SIGLECL1: variants seen among roughly 807,000 people sequenced by gnomAD.
The protein encoded by SIGLECL1 is SIGLEC family-like protein 1.
SIGLECL1 carries 16 observed loss-of-function variants against 19.1 expected under a neutral mutation model. The ratio of observed to expected loss-of-function variants is 0.84; its 90% CI spans 0.57 to 1.27. The LOEUF is 1.27. SIGLECL1 is among the 50% of genes most tolerant of loss of function. The probability of loss-of-function intolerance (pLI) is 0.00; values close to 1 mark genes in which losing one functional copy is unlikely to be tolerated. For missense variants in SIGLECL1, 210 were observed against 239.4 expected, an observed-to-expected ratio of 0.88 and a Z score of 0.81; for synonymous variants, 89 against 90.4, an observed-to-expected ratio of 0.98 and a Z score of 0.09.
chr19:51,263,121 T>C (rs552845441), intron 1 of SIGLECL1, among the ~76,000 whole-genome samples: 35 of 152,320 alleles, frequency 2.3e-4, no homozygotes, highest in African/African-American at 8.2e-4. Flanking sequence ...CTGGAATTAC[T>C]ATGGATTTTT....
intron 1 of SIGLECL1, among the ~76,000 whole-genome samples, chr19:51,251,825 CA>C (rs1982504086): frequency 6.6e-6 from 1 of 152,198 alleles, no homozygotes; most frequent in Non-Finnish European, 1.5e-5. Flanking sequence ...ATAGGTCAGT[CA>C]TTAGTAAGTC....
intron 1 of SIGLECL1, among the ~76,000 whole-genome samples, chr19:51,254,873 A>G (rs16982584): frequency 0.072 from 10,899 of 152,240 alleles, 1,270 homozygotes; most frequent in African/African-American, 0.25. Flanking sequence ...TGGCTAAATA[A>G]AAACCTGAAA....
intron 3 of SIGLECL1, 63 bp from the exon 4 acceptor site, chr19:51,265,714 G>A (rs962532393): frequency 1.2e-6 from 2 of 1,612,958 alleles, no homozygotes; most frequent in African/African-American, 2.7e-5. Flanking sequence ...AGTCACTGGG[G>A]CTAGAGAATG....
At chr19:51,255,857 A>G (rs1296874710) in intron 1 of SIGLECL1, 1 of 152,206 alleles carries the variant, frequency 6.6e-6, no homozygotes, top group Non-Finnish European at 1.5e-5. Context: ...TGGTATAACC[A>G]CTATGGAAAA....
At chr19:51,261,845 A>G (rs760090112) in intron 1 of SIGLECL1, among the ~76,000 whole-genome samples, 1 of 152,136 alleles carries the variant, frequency 6.6e-6, no homozygotes, top group Non-Finnish European at 1.5e-5. Context: ...TTATTTTCAA[A>G]CAAGCTTTTA....
chr19:51,266,012 T>A, intron 4 of SIGLECL1, 130 bp downstream of exon 4: 2 of 844,406 alleles, frequency 2.4e-6, no homozygotes, highest in Non-Finnish European at 3.8e-6. Flanking sequence ...GGGAAAGATG[T>A]ACCAAACATG....
chr19:51,253,778 T>A (rs1982632524), intron 1 of SIGLECL1, among the ~76,000 whole-genome samples: 1 of 152,232 alleles, frequency 6.6e-6, no homozygotes, highest in African/African-American at 2.4e-5. Context: ...ACCACAGTTG[T>A]AGTCAAAGGT....
upstream of SIGLECL1, among the ~76,000 whole-genome samples, chr19:51,247,576 G>A (rs556909100): frequency 5.9e-5 from 9 of 152,154 alleles, no homozygotes; most frequent in East Asian, 3.9e-4. Context: ...CTGCCACCAC[G>A]TCCAGCTAAT....
chr19:51,250,197 C>G (rs112420060), upstream of SIGLECL1, among the ~76,000 whole-genome samples: 255 of 152,176 alleles, frequency 1.7e-3, no homozygotes, highest in African/African-American at 5.8e-3. Flanking sequence ...AGCGATTCTC[C>G]TGCCTCAACC....
At position 51,251,137 on chromosome 19, in the gene SIGLECL1, C is replaced by G. The variant is rs2123370243; in HGVS notation, c.-599C>G. 6.6e-6 allele frequency: 1 copy of G among 152,400 alleles called. No individual in the cohort carries two copies. The highest frequency in any genetic ancestry group is 2.1e-4 in the South Asian group (1 of 4,832). 9.4% of individuals were successfully genotyped at this position (152,400 alleles called of 1,614,324 possible). The stretch of plus-strand genomic sequence containing the variant: ...TGCAGCGGCTATCACGCCCCTCACG[C>G]CGCTATCTCTGTGCAGCCGACTGAG... On this transcript the variant is annotated 5_prime_UTR_variant, in exon 1 of 6. Coordinates refer to ENST00000601727, the MANE Select transcript of SIGLECL1 (RefSeq NM_001385465.1).
At chr19:51,246,838 G>A (rs1028909695), upstream of SIGLECL1, among the ~76,000 whole-genome samples, 2 of 152,174 alleles carry the variant, frequency 1.3e-5, no homozygotes, top group African/African-American at 2.4e-5. Flanking sequence ...CAGGAGACAA[G>A]ATAAGGGTAA....
At chr19:51,266,151 C>T (rs557175150) in intron 4 of SIGLECL1, among the ~76,000 whole-genome samples, 43 of 152,208 alleles carry the variant, frequency 2.8e-4, no homozygotes, top group African/African-American at 9.4e-4. Context: ...AAGGCAGCAG[C>T]GAGTCCCCGG....
In SIGLECL1 at chr19:51,267,386, A is replaced by G; in HGVS notation, c.424A>G (p.Arg142Gly). The G allele has an allele frequency of 2.5e-6, 4 of 1,612,712 alleles. No individual in the cohort carries two copies. The highest frequency in any genetic ancestry group is 3.4e-6 in the Non-Finnish European group (4 of 1,179,992). ...CLLPLIVKHI[R>G]KKQAKKAAAI... The stretch of plus-strand genomic sequence containing the variant: ...TTATTTCCTTAGAGTGAAACATATC[A>G]GAAAGAAGCAGGCGAAGAAAGCTGC... Residue 142 changes from arginine (R) to glycine (G), a missense_variant, in exon 5 of 6, where the codon AGA becomes GGA. Arg to Gly is a moderately radical substitution (Grantham distance 125, BLOSUM62 -2). Coordinates refer to ENST00000601727, the MANE Select transcript of SIGLECL1 (RefSeq NM_001385465.1).
At chr19:51,257,780 G>A (rs1227575736) in intron 1 of SIGLECL1, 2 of 152,328 alleles carry the variant, frequency 1.3e-5, no homozygotes, top group Admixed American at 6.5e-5. Context: ...TTAGAATAGG[G>A]GCTTTGGATC....
intron 1 of SIGLECL1, among the ~76,000 whole-genome samples, chr19:51,260,843 G>A (rs1044614891): frequency 1.3e-5 from 2 of 152,116 alleles, no homozygotes; most frequent in Non-Finnish European, 2.9e-5. Flanking sequence ...TCCAGCTGTG[G>A]CCAATTTCTG....
chr19:51,246,534 A>G (rs1431793607), upstream of SIGLECL1: 1 of 152,154 alleles, frequency 6.6e-6, no homozygotes, highest in African/African-American at 2.4e-5. Flanking sequence ...CTAACCGCTG[A>G]ACAGGCAGGC....
intron 1 of SIGLECL1, among the ~76,000 whole-genome samples, chr19:51,256,898 T>C (rs1982844920): frequency 6.6e-6 from 1 of 152,194 alleles, no homozygotes. Context: ...TATCAAATTA[T>C]ACATCATTCT....
chr19:51,257,795 G>C (rs900982327), intron 1 of SIGLECL1: 3 of 152,194 alleles, frequency 2.0e-5, no homozygotes, highest in Admixed American at 6.5e-5. Flanking sequence ...TGGATCAAAT[G>C]GTATCAGCTC....
rs993381956 is a variant in SIGLECL1 at position 51,267,527 on chromosome 19, T to C, written c.565T>C (p.Leu189=). The C allele has an allele frequency of 1.9e-6, 3 of 1,614,026 alleles. No individual in the cohort carries two copies. In the African/African-American group the frequency reaches 4.0e-5, roughly 22 times the overall value. The change falls in exon 5 of 6, where the codon TTG becomes CTG. Residue 189 remains leucine, a splice_region_variant and synonymous_variant. Coordinates refer to ENST00000601727, the MANE Select transcript of SIGLECL1 (RefSeq NM_001385465.1). ...VVATFSESRI[L]EKQDKRAS is the part of the protein sequence containing the mutation. Reference sequence around the variant, plus strand: ...CGCCACATTTTCTGAGAGCCGGATATTGGTATGTACCTATTGTGTCTGGAA... The same window carrying C: ...CGCCACATTTTCTGAGAGCCGGATACTGGTATGTACCTATTGTGTCTGGAA...
Sources: gnomAD v4.1 joint callset for allele counts (sites outside exome capture counted in the v4.1 genomes callset) on GRCh38, gnomAD v4.1.1 for gene constraint, MANE v1.5 for transcripts, NCBI Gene and HGNC (gene_info 2026-07-23, HGNC 2026-07-21) for gene names.